Variants in AFF2 observed in about 807,000 individuals in gnomAD.
The protein encoded by AFF2 is ALF transcription elongation factor 2, also known as AF4/FMR2 family member 2.
A neutral mutation model predicts 76.9 loss-of-function variants in AFF2; 14 were observed. The observed-to-expected ratio is 0.18, with a 90% CI of 0.12 to 0.28. The LOEUF (loss-of-function observed/expected upper bound fraction) is 0.28, where lower values mean the gene tolerates loss of function less well. Among genes scored for constraint, AFF2 ranks in the 10% least tolerant of loss-of-function variants. AFF2 has a pLI of 1.00. For synonymous variants in AFF2, 398 were observed against 366.7 expected, an observed-to-expected ratio of 1.09 and a Z score of -0.98; for missense variants, 868 against 1,001.1, an observed-to-expected ratio of 0.87 and a Z score of 1.79.
chrX:148,862,468 A>G (rs1338889580), intron 7 of AFF2, among the ~76,000 whole-genome samples: 3 of 111,717 alleles, frequency 2.7e-5, no homozygotes, highest in African/African-American at 9.8e-5. Context: ...GATGCGTTAT[A>G]CACAATCCAG....
intron 10 of AFF2, 59 bp downstream of exon 10, chrX:148,953,798 AACACACACACACACAGAC>A (rs1735904200): frequency 2.4e-6 from 2 of 839,029 alleles, no homozygotes; most frequent in Non-Finnish European, 3.4e-6. Flanking sequence ...CAGCACCCTC[AACACACACACACACAGAC>A]ACACACACAC....
At chrX:148,730,728 CT>C (rs1410672300) in intron 3 of AFF2, among the ~76,000 whole-genome samples, 4 of 112,704 alleles carry the variant, frequency 3.5e-5, no homozygotes, top group African/African-American at 1.3e-4. Flanking sequence ...GTCAGTTCTA[CT>C]ACTAACAAGC....
chrX:148,550,480 A>G, intron 1 of AFF2, among the ~76,000 whole-genome samples: 1 of 111,671 alleles, frequency 9.0e-6, no homozygotes, highest in East Asian at 2.8e-4. Context: ...ACTTTTATAC[A>G]TGCTCATATA....
At chrX:148,710,671 T>C (rs1286401035) in intron 3 of AFF2, among the ~76,000 whole-genome samples, 1 of 112,307 alleles carries the variant, frequency 8.9e-6, no homozygotes, top group African/African-American at 3.2e-5. Flanking sequence ...AAATATATGT[T>C]GATTTTTGGA....
intron 1 of AFF2, among the ~76,000 whole-genome samples, chrX:148,585,427 A>C (rs1317183368): frequency 2.7e-5 from 3 of 112,270 alleles, no homozygotes; most frequent in Admixed American, 9.4e-5. Context: ...TTGTGAGACC[A>C]AAATAAGATA....
At chrX:148,782,598 AT>A (rs1557269177) in intron 3 of AFF2, among the ~76,000 whole-genome samples, 2 of 112,179 alleles carry the variant, frequency 1.8e-5, no homozygotes, top group South Asian at 7.4e-4. Flanking sequence ...ACTTCTGGAT[AT>A]TGTTTGGATT....
intron 12 of AFF2, among the ~76,000 whole-genome samples, chrX:148,960,232 G>C (rs1432808119): frequency 8.9e-6 from 1 of 112,341 alleles, no homozygotes; most frequent in Non-Finnish European, 1.9e-5. Context: ...GTGGCTGAGA[G>C]CCAGGTGGTG....
At chrX:148,891,604 T>C (rs987534508) in intron 8 of AFF2, among the ~76,000 whole-genome samples, 2 of 112,030 alleles carry the variant, frequency 1.8e-5, no homozygotes, top group East Asian at 5.6e-4. Flanking sequence ...CAGCACATGT[T>C]CTTAGAGCCA....
intron 7 of AFF2, among the ~76,000 whole-genome samples, chrX:148,854,694 G>A (rs943045610): frequency 6.3e-5 from 7 of 111,375 alleles, no homozygotes; most frequent in Admixed American, 4.8e-4. Context: ...CCAGAGCCAG[G>A]GAAATGAAAC....
At chrX:148,583,051 G>A (rs1420203145) in intron 1 of AFF2, among the ~76,000 whole-genome samples, 10 of 111,789 alleles carry the variant, frequency 8.9e-5, no homozygotes, top group Non-Finnish European at 7.5e-5. Context: ...CAGAATAGAC[G>A]AAGACACAGT....
Position 148,581,508 on chromosome X carries a change from G to A in AFF2, c.48-70491G>A, listed in dbSNP as rs1334955308. On this transcript the variant is annotated intron_variant, in intron 1 of 20. Transcript: ENST00000370460. ...CGTCTACGTGTACACACATATATAC[G>A]TATACGTCTACGTGTACACACATAT... Among the ~76,000 whole-genome samples, 12 of 89,693 alleles carry A rather than the reference G, an allele frequency of 1.3e-4. 1 individual carries two copies. The highest frequency in any genetic ancestry group is 6.9e-4 in the Admixed American group (6 of 8,674). The allele number at this position is 89,693 out of a possible 115,157, so 77.9% of individuals were successfully genotyped here.
chrX:148,515,375 A>G (rs1557233675), intron 1 of AFF2, among the ~76,000 whole-genome samples: 2 of 112,334 alleles, frequency 1.8e-5, no homozygotes, highest in African/African-American at 3.2e-5. Flanking sequence ...GACACTAGCA[A>G]TTCTAGCTGT....
At chrX:148,717,073 G>A (rs1557263412) in intron 3 of AFF2, among the ~76,000 whole-genome samples, 1 of 112,104 alleles carries the variant, frequency 8.9e-6, no homozygotes, top group Non-Finnish European at 1.9e-5. Context: ...ACATTTAAGA[G>A]AACTGAAACC....
intron 7 of AFF2, among the ~76,000 whole-genome samples, chrX:148,884,331 T>C (rs1363459345): frequency 8.9e-6 from 1 of 112,419 alleles, no homozygotes; most frequent in African/African-American, 3.2e-5. Flanking sequence ...GTACACATTC[T>C]AGTGTTATGT....
intron 3 of AFF2, among the ~76,000 whole-genome samples, chrX:148,779,599 A>C (rs1329027295): frequency 9.0e-6 from 1 of 111,329 alleles, no homozygotes; most frequent in Admixed American, 9.6e-5. Flanking sequence ...AATTTGCTTG[A>C]TAAATATTCC....
intron 3 of AFF2, among the ~76,000 whole-genome samples, chrX:148,728,903 A>G (rs191685807): frequency 9.4e-4 from 106 of 112,333 alleles, no homozygotes; most frequent in Non-Finnish European, 1.5e-3. Flanking sequence ...GCATACCATT[A>G]TTCATCGAGC....
intron 12 of AFF2, among the ~76,000 whole-genome samples, chrX:148,961,213 A>G (rs782644066): frequency 8.9e-6 from 1 of 111,875 alleles, no homozygotes; most frequent in Admixed American, 9.5e-5. Context: ...ATTTACAGCT[A>G]ATGAACCACC....
chrX:148,995,477 G>GA lies in AFF2; in HGVS notation c.*4145_*4146insA. ...GCATTGTGGGGAGGGCAGAAAGGGG[G>GA]TGGGGGTGGGGGCGGGGGGGTGGGG... is the stretch of plus-strand genomic sequence containing the variant. On this transcript the variant is annotated 3_prime_UTR_variant, in exon 21 of 21. Coordinates refer to ENST00000370460, the MANE Select transcript of AFF2 (RefSeq NM_002025.4). 1 of 94,501 alleles carries GA rather than the reference G, an allele frequency of 1.1e-5. No individual in the cohort carries two copies. Among genetic ancestry groups the GA allele is most frequent in the Admixed American group, 1.1e-4 (1 of 9,104 alleles). The allele number at this position is 94,501 out of a possible 1,213,427, so 7.8% of individuals were successfully genotyped here. A position where few individuals can be genotyped will look rare whatever the true frequency, so the allele number is the denominator to read the frequency against.
At chrX:148,581,670 A>G (rs1266890496) in intron 1 of AFF2, among the ~76,000 whole-genome samples, 1 of 111,744 alleles carries the variant, frequency 8.9e-6, no homozygotes, top group Non-Finnish European at 1.9e-5. Flanking sequence ...ATACGTGTAC[A>G]CACATATATA....
Sources: gnomAD v4.1 joint callset for allele counts (sites outside exome capture counted in the v4.1 genomes callset) on GRCh38, gnomAD v4.1.1 for gene constraint, MANE v1.5 for transcripts, NCBI Gene and HGNC (gene_info 2026-07-23, HGNC 2026-07-21) for gene names.